STK24: variants seen among roughly 807,000 people sequenced by gnomAD.
STK24 encodes the protein serine/threonine-protein kinase 24.
A neutral mutation model predicts 55.6 loss-of-function variants in STK24; 21 were observed. The ratio of observed to expected loss-of-function variants is 0.38; its 90% CI spans 0.27 to 0.54. The LOEUF is 0.54. STK24 is among the 20% of genes least tolerant of loss of function. The pLI is 0.79. For missense variants in STK24, 383 were observed against 538.4 expected, an observed-to-expected ratio of 0.71 and a Z score of 2.86; for synonymous variants, 200 against 215.2, an observed-to-expected ratio of 0.93 and a Z score of 0.62.
At chr13:98,516,467 C>T (rs17471079) in intron 2 of STK24, among the ~76,000 whole-genome samples, 26,161 of 152,206 alleles carry the variant, frequency 0.17, 2,681 homozygotes, top group Non-Finnish European at 0.24. Flanking sequence ...AAAGGCCAGC[C>T]TACTGTGCAC....
chr13:98,460,228 G>C, intron 9 of STK24, 144 bp downstream of exon 9: 1 of 677,766 alleles, frequency 1.5e-6, no homozygotes. Context: ...GACAGCCTTT[G>C]GGAAGGCACC....
chr13:98,448,207 G>A lies in STK24; in HGVS notation c.*4966C>T, dbSNP rs1892981876. On this transcript the variant is annotated 3_prime_UTR_variant, in exon 11 of 11. Coordinates refer to ENST00000539966, the MANE Select transcript of STK24 (RefSeq NM_001032296.4). The stretch of plus-strand genomic sequence containing the variant: ...TGTCAGGAGTCCGTCCAAACAAAAG[G>A]TTGACTAACTGGCGTTCCCGTGTTG... 1 of 1,600,242 alleles carries A rather than the reference G, an allele frequency of 6.2e-7. No homozygotes were observed. The highest frequency in any genetic ancestry group is 1.1e-5 in the South Asian group (1 of 90,744).
At chr13:98,557,015 G>A (rs1004302229) in intron 1 of STK24, among the ~76,000 whole-genome samples, 8 of 152,196 alleles carry the variant, frequency 5.3e-5, no homozygotes, top group Non-Finnish European at 8.8e-5. Context: ...ACAGCACCTC[G>A]CACCCCATCC....
intron 1 of STK24, among the ~76,000 whole-genome samples, chr13:98,546,349 G>C (rs1286484188): frequency 6.6e-6 from 1 of 151,386 alleles, no homozygotes; most frequent in Non-Finnish European, 1.5e-5. Flanking sequence ...ACTTTCAAAA[G>C]CCTTCTATCT....
rs190032012 is a variant in STK24, at chr13:98,482,277, G to A, written c.318C>T (p.Ser106=). The part of the protein sequence containing the change: ...WIIMEYLGGG[S]ALDLLEPGPL... ...ACATAATACTTACTAGATCTAGTGC[G>A]GAGCCTCCACCAAGATATTCCATTA... Residue 106 remains serine (S), a synonymous_variant, in exon 3 of 11, where the codon TCC becomes TCT. Transcript: ENST00000539966. 3.7e-5 allele frequency: 58 copies of A among 1,563,396 alleles called. No individual in the cohort carries two copies. The Admixed American group carries it at 6.3e-4, about 17-fold the overall frequency.
chr13:98,569,987 C>G (rs1265072584), intron 1 of STK24, among the ~76,000 whole-genome samples: 1 of 151,762 alleles, frequency 6.6e-6, no homozygotes, highest in Non-Finnish European at 1.5e-5. Context: ...AAGAATTCTC[C>G]TGCCTCAGCC....
intron 10 of STK24, chr13:98,456,358 T>G (rs1455019577): frequency 1.5e-5 from 6 of 400,806 alleles, no homozygotes; most frequent in Non-Finnish European, 3.1e-5. Flanking sequence ...CTCAGCCAGC[T>G]TTGGGAGGTG....
chr13:98,510,786 T>G (rs1895854615), intron 2 of STK24, among the ~76,000 whole-genome samples: 1 of 152,234 alleles, frequency 6.6e-6, no homozygotes, highest in Non-Finnish European at 1.5e-5. Flanking sequence ...GGGTAGAGTA[T>G]CTTTCGAGGG....
At chr13:98,506,817 G>GT (rs1895697772) in intron 2 of STK24, among the ~76,000 whole-genome samples, 1 of 152,246 alleles carries the variant, frequency 6.6e-6, no homozygotes, top group Admixed American at 6.5e-5. Flanking sequence ...TACGGTGGCC[G>GT]TGAGTAAGAA....
intron 1 of STK24, chr13:98,576,357 CCA>C (rs888397439): frequency 2.7e-6 from 1 of 365,782 alleles, no homozygotes; most frequent in Admixed American, 6.4e-5. Flanking sequence ...AACCCGGCCA[CCA>C]CGCAGGGCCC....
intron 1 of STK24, among the ~76,000 whole-genome samples, chr13:98,524,573 C>T (rs959001582): frequency 6.6e-6 from 1 of 152,198 alleles, no homozygotes; most frequent in Admixed American, 6.5e-5. Context: ...CTCAGCCAGG[C>T]GGGTGGAAAA....
At chr13:98,483,629 C>A (rs901913093) in intron 2 of STK24, among the ~76,000 whole-genome samples, 2 of 152,178 alleles carry the variant, frequency 1.3e-5, no homozygotes, top group African/African-American at 4.8e-5. Flanking sequence ...CCTCCCCACG[C>A]CCTGGGCAAA....
At chr13:98,512,571 GTTT>G (rs11434391) in intron 2 of STK24, among the ~76,000 whole-genome samples, 63 of 141,532 alleles carry the variant, frequency 4.5e-4, no homozygotes, top group Admixed American at 1.6e-3. Flanking sequence ...CACAAAGTAA[GTTT>G]TTTTTTTTTT....
At chr13:98,550,184 T>A (rs536306942) in intron 1 of STK24, among the ~76,000 whole-genome samples, 1 of 152,246 alleles carries the variant, frequency 6.6e-6, no homozygotes, top group Non-Finnish European at 1.5e-5. Context: ...CTGTTAGTCA[T>A]TTACAACTGA....
intron 2 of STK24, among the ~76,000 whole-genome samples, chr13:98,496,205 A>C (rs893793930): frequency 1.3e-5 from 2 of 152,238 alleles, no homozygotes; most frequent in Non-Finnish European, 2.9e-5. Flanking sequence ...AGAGGTGGCA[A>C]GCATGCTCGT....
chr13:98,524,096 G>A (rs989340893), intron 1 of STK24, among the ~76,000 whole-genome samples: 1 of 152,158 alleles, frequency 6.6e-6, no homozygotes, highest in African/African-American at 2.4e-5. Context: ...CAGACGCTGT[G>A]CCAGGAGGGA....
At chr13:98,473,198 T>G (rs1040204822) in intron 5 of STK24, among the ~76,000 whole-genome samples, 1 of 79,670 alleles carries the variant, frequency 1.3e-5, no homozygotes, top group African/African-American at 4.9e-5. Context: ...CAGAATGGGT[T>G]AAATGAAAGA....
chr13:98,520,237 T>C (rs935776007), intron 1 of STK24, among the ~76,000 whole-genome samples: 6 of 152,224 alleles, frequency 3.9e-5, no homozygotes, highest in African/African-American at 1.2e-4. Flanking sequence ...AGGGCCTGTT[T>C]GTCAGGAAAC....
At chr13:98,490,364 T>C (rs1566365336) in intron 2 of STK24, among the ~76,000 whole-genome samples, 1 of 152,202 alleles carries the variant, frequency 6.6e-6, no homozygotes, top group South Asian at 2.1e-4. Flanking sequence ...AAAGGGCATG[T>C]TGATCATATG....
Sources: allele counts gnomAD v4.1 joint callset (sites outside exome capture counted in the v4.1 genomes callset), GRCh38; gene constraint gnomAD v4.1.1; transcripts MANE v1.5; gene names NCBI Gene and HGNC (gene_info 2026-07-23, HGNC 2026-07-21).